Variants in ATG10 observed in about 807,000 individuals in gnomAD.
ATG10 encodes autophagy related 10.
Under a neutral mutation model 32.1 loss-of-function variants are expected in ATG10, and 30 were observed. That is an observed-to-expected ratio of 0.94 (90% CI 0.70 to 1.27). The LOEUF is 1.27. ATG10 is among the 50% of genes most tolerant of loss of function. The pLI is 0.00. For synonymous variants in ATG10, 87 were observed against 91.5 expected (o/e 0.95, Z 0.28); for missense variants, 233 against 262.3 (o/e 0.89, Z 0.77).
chr5:82,166,443 A>T (rs1743585341), intron 4 of ATG10, among the ~76,000 whole-genome samples: 1 of 152,194 alleles, frequency 6.6e-6, no homozygotes, highest in African/African-American at 2.4e-5. Flanking sequence ...ATCAAATTTA[A>T]TTTTTGTGCA....
chr5:82,128,406 G>A (rs1036488845), intron 3 of ATG10, among the ~76,000 whole-genome samples: 1 of 152,014 alleles, frequency 6.6e-6, no homozygotes, highest in African/African-American at 2.4e-5. Context: ...AATTTTGTAT[G>A]TTTTTGCAGT....
intron 3 of ATG10, among the ~76,000 whole-genome samples, chr5:82,138,685 T>A (rs913440389): frequency 2.6e-5 from 4 of 152,134 alleles, no homozygotes; most frequent in Non-Finnish European, 1.5e-5. Flanking sequence ...TGCCCGGGGA[T>A]CCATGGATTC....
At chr5:82,180,452 A>G (rs1456190329) in intron 5 of ATG10, among the ~76,000 whole-genome samples, 1 of 152,168 alleles carries the variant, frequency 6.6e-6, no homozygotes, top group Non-Finnish European at 1.5e-5. Context: ...GTGAAGAAGG[A>G]TAATGTGAAA....
intron 2 of ATG10, among the ~76,000 whole-genome samples, chr5:82,049,344 A>G (rs1331412681): frequency 4.8e-5 from 7 of 145,528 alleles, no homozygotes; most frequent in Admixed American, 3.6e-4. Flanking sequence ...TGGGAATTGA[A>G]CAATGAGAAC....
At chr5:82,241,499 C>T (rs1316698482) in intron 5 of ATG10, among the ~76,000 whole-genome samples, 7 of 152,268 alleles carry the variant, frequency 4.6e-5, no homozygotes, top group Middle Eastern at 3.4e-3. Context: ...TGCGTCTTGG[C>T]TAGCTCTCTG....
At chr5:82,218,009 A>C (rs2149988697) in intron 5 of ATG10, among the ~76,000 whole-genome samples, 2 of 151,334 alleles carry the variant, frequency 1.3e-5, no homozygotes, top group East Asian at 3.9e-4. Flanking sequence ...AAACAAAAAA[A>C]CAGCTGCATA....
chr5:82,101,834 G>C (rs916353182), intron 3 of ATG10, among the ~76,000 whole-genome samples: 2 of 152,162 alleles, frequency 1.3e-5, no homozygotes, highest in Non-Finnish European at 2.9e-5. Flanking sequence ...GCCATGCTGA[G>C]TTTTAGTTTG....
chr5:82,088,872 C>T (rs572228166), intron 3 of ATG10, among the ~76,000 whole-genome samples: 18 of 152,110 alleles, frequency 1.2e-4, no homozygotes, highest in Admixed American at 2.0e-4. Flanking sequence ...ATTAGATAGA[C>T]GGATTTAATG....
chr5:82,209,282 G>T (rs940329296), intron 5 of ATG10, among the ~76,000 whole-genome samples: 5 of 151,568 alleles, frequency 3.3e-5, no homozygotes, highest in African/African-American at 1.2e-4. Context: ...GTTATATATT[G>T]CTGTAGACTG....
chr5:82,193,805 A>T (rs951266643), intron 5 of ATG10, among the ~76,000 whole-genome samples: 1 of 152,240 alleles, frequency 6.6e-6, no homozygotes, highest in Non-Finnish European at 1.5e-5. Context: ...TTTCTTCACA[A>T]GCATGTTTGA....
At chr5:82,027,621 C>T (rs1762632963) in intron 2 of ATG10, among the ~76,000 whole-genome samples, 1 of 152,144 alleles carries the variant, frequency 6.6e-6, no homozygotes, top group Admixed American at 6.5e-5. Flanking sequence ...AGCCTATAGT[C>T]CCCATTAGTT....
At chr5:82,189,400 C>T (rs1481703820) in intron 5 of ATG10, among the ~76,000 whole-genome samples, 1 of 152,162 alleles carries the variant, frequency 6.6e-6, no homozygotes, top group East Asian at 1.9e-4. Context: ...CTAGATCGAT[C>T]ATTTCACAAC....
chr5:82,149,650 A>G (rs1658500212), intron 3 of ATG10, among the ~76,000 whole-genome samples: 1 of 63,732 alleles, frequency 1.6e-5, no homozygotes, highest in Admixed American at 1.7e-4. Context: ...CCTGCCTGTC[A>G]TGCTGTAAGC....
At chr5:82,165,188 C>T (rs1257135862) in intron 4 of ATG10, among the ~76,000 whole-genome samples, 1 of 152,174 alleles carries the variant, frequency 6.6e-6, no homozygotes, top group Non-Finnish European at 1.5e-5. Flanking sequence ...GCTTAGAGTC[C>T]ACTGCCTAAA....
intron 3 of ATG10, 92 bp downstream of exon 3, chr5:82,058,694 A>G (rs1245324848): frequency 7.9e-6 from 6 of 758,914 alleles, no homozygotes; most frequent in South Asian, 3.9e-5. Context: ...ATTCCATCCT[A>G]TGGAAGCACC....
chr5:82,207,057 C>G (rs1376589428), intron 5 of ATG10, among the ~76,000 whole-genome samples: 1 of 152,068 alleles, frequency 6.6e-6, no homozygotes, highest in Non-Finnish European at 1.5e-5. Flanking sequence ...CACAATTTGT[C>G]TTTCTACTAT....
chr5:82,058,796 A>G (rs1763681785), intron 3 of ATG10, among the ~76,000 whole-genome samples, 194 bp downstream of exon 3: 1 of 152,134 alleles, frequency 6.6e-6, no homozygotes, highest in African/African-American at 2.4e-5. Flanking sequence ...CTGGAGAGAG[A>G]TCCAATTGCC....
chr5:82,106,398 T>C (rs973746080), intron 3 of ATG10, among the ~76,000 whole-genome samples: 3 of 152,062 alleles, frequency 2.0e-5, no homozygotes, highest in Admixed American at 2.0e-4. Flanking sequence ...ATTTGAGAGG[T>C]TGGGCAATAG....
chr5:82,069,283 G>C (rs1472307539), intron 3 of ATG10, among the ~76,000 whole-genome samples: 1 of 152,098 alleles, frequency 6.6e-6, no homozygotes, highest in African/African-American at 2.4e-5. Flanking sequence ...GCTTGAATGA[G>C]ATTGACTACT....
Sources: allele counts gnomAD v4.1 joint callset (sites outside exome capture counted in the v4.1 genomes callset), GRCh38; gene constraint gnomAD v4.1.1; transcripts MANE v1.5; gene names NCBI Gene and HGNC (gene_info 2026-07-23, HGNC 2026-07-21).